PTPRD: variants seen among roughly 807,000 people sequenced by gnomAD.
PTPRD encodes protein tyrosine phosphatase receptor type D.
In PTPRD, 34 loss-of-function variants were observed where a neutral mutation model predicts 214.5. The ratio of observed to expected loss-of-function variants is 0.16; its 90% CI spans 0.12 to 0.21. The LOEUF is 0.21. Among genes scored for constraint, PTPRD ranks in the 10% least tolerant of loss-of-function variants. The pLI is 1.00. For synonymous variants in PTPRD, 1,128 were observed against 845.7 expected, an observed-to-expected ratio of 1.33 and a Z score of -5.79; for missense variants, 2,545 against 2,398.7, an observed-to-expected ratio of 1.06 and a Z score of -1.27.
At chr9:9,988,266 T>C (rs2095792356) in intron 4 of PTPRD, among the ~76,000 whole-genome samples, 1 of 152,222 alleles carries the variant, frequency 6.6e-6, no homozygotes, top group African/African-American at 2.4e-5. Context: ...TTTCAAAACA[T>C]ATTTTATGAA....
At chr9:9,280,019 T>A (rs910190217) in intron 9 of PTPRD, among the ~76,000 whole-genome samples, 2 of 151,366 alleles carry the variant, frequency 1.3e-5, no homozygotes, top group South Asian at 4.1e-4. Flanking sequence ...TTGTTTCCAA[T>A]GTACCGCAAT....
chr9:9,836,502 T>C (rs1310477783), intron 5 of PTPRD, among the ~76,000 whole-genome samples: 1 of 152,098 alleles, frequency 6.6e-6, no homozygotes, highest in Non-Finnish European at 1.5e-5. Flanking sequence ...CACTGATAAA[T>C]GCCAAATTTG....
chr9:8,547,936 T>A (rs556075119), intron 14 of PTPRD, among the ~76,000 whole-genome samples: 1 of 152,182 alleles, frequency 6.6e-6, no homozygotes, highest in Non-Finnish European at 1.5e-5. Context: ...GTGTAAAACA[T>A]TGCTCAGCAC....
chr9:9,246,460 A>C lies in PTPRD; in HGVS notation c.-202-63097T>G, dbSNP rs533676291. 2.6e-5 allele frequency among the ~76,000 whole-genome samples: 4 copies of C among 152,200 alleles called. No individual in the cohort carries two copies. The East Asian group carries it at 7.8e-4, about 30-fold the overall frequency. On this transcript the variant is annotated intron_variant, in intron 9 of 45. Transcript: ENST00000381196. ...GAAAAGTTCACCTGATGCAAACTGC[A>C]AACTAGAAAAATCTGTCAGTTTGCT...
At chr9:8,625,766 G>T (rs1010642669) in intron 14 of PTPRD, among the ~76,000 whole-genome samples, 1 of 151,350 alleles carries the variant, frequency 6.6e-6, no homozygotes, top group African/African-American at 2.4e-5. Flanking sequence ...AAAAAGAAAG[G>T]CATGGAAAGT....
At chr9:8,462,986 CA>C (rs1161246962) in intron 32 of PTPRD, among the ~76,000 whole-genome samples, 1 of 151,728 alleles carries the variant, frequency 6.6e-6, no homozygotes, top group East Asian at 1.9e-4. Context: ...CTGAATAAGA[CA>C]AAAAATGTTC....
At chr9:8,746,774 A>T (rs6477341) in intron 11 of PTPRD, among the ~76,000 whole-genome samples, 10,793 of 152,232 alleles carry the variant, frequency 0.071, 1,024 homozygotes, top group African/African-American at 0.22. Flanking sequence ...CAGGAGGATC[A>T]CTTGAGGTCA....
intron 2 of PTPRD, among the ~76,000 whole-genome samples, chr9:10,433,538 A>T (rs1195408968): frequency 6.6e-6 from 1 of 151,964 alleles, no homozygotes. Flanking sequence ...CCTAGGAAGA[A>T]ATATGCTCTT....
intron 2 of PTPRD, among the ~76,000 whole-genome samples, chr9:10,391,818 T>A (rs948055555): frequency 6.6e-6 from 1 of 151,866 alleles, no homozygotes; most frequent in African/African-American, 2.4e-5. Context: ...AGATCCTTAC[T>A]GTGAACTTAC....
intron 12 of PTPRD, among the ~76,000 whole-genome samples, chr9:8,691,581 T>C (rs2097801825): frequency 6.6e-6 from 1 of 152,140 alleles, no homozygotes; most frequent in East Asian, 1.9e-4. Context: ...TACATAAGAA[T>C]TCTATTGGAT....
chr9:9,901,602 T>TA (rs1430046844), intron 5 of PTPRD, among the ~76,000 whole-genome samples: 1 of 152,078 alleles, frequency 6.6e-6, no homozygotes, highest in Admixed American at 6.6e-5. Flanking sequence ...AAATTCTTAA[T>TA]AAAAAAGACC....
chr9:9,407,235 A>G (rs1025095264), intron 8 of PTPRD, among the ~76,000 whole-genome samples: 3 of 151,754 alleles, frequency 2.0e-5, no homozygotes, highest in African/African-American at 7.2e-5. Context: ...ATTTCTGAGC[A>G]TCGACCATGA....
At chr9:8,405,667 C>T (rs1400026962) in intron 35 of PTPRD, among the ~76,000 whole-genome samples, 1 of 151,994 alleles carries the variant, frequency 6.6e-6, no homozygotes, top group Non-Finnish European at 1.5e-5. Flanking sequence ...AACACAAGTT[C>T]ATTAATGACA....
intron 10 of PTPRD, among the ~76,000 whole-genome samples, chr9:9,081,590 T>C (rs2099759108): frequency 6.6e-6 from 1 of 152,050 alleles, no homozygotes; most frequent in African/African-American, 2.4e-5. Flanking sequence ...ATACTGACAG[T>C]GGGGTGTTAA....
At chr9:10,285,738 G>C (rs1018821282) in intron 3 of PTPRD, among the ~76,000 whole-genome samples, 1 of 151,292 alleles carries the variant, frequency 6.6e-6, no homozygotes, top group Admixed American at 6.6e-5. Flanking sequence ...AGCCTCCCGA[G>C]TAGCTGGGAT....
intron 8 of PTPRD, among the ~76,000 whole-genome samples, chr9:9,545,413 T>G (rs1021786974): frequency 2.0e-5 from 3 of 151,910 alleles, no homozygotes; most frequent in African/African-American, 7.2e-5. Context: ...TGTAGCCTTT[T>G]CAGATTGGCT....
intron 2 of PTPRD, among the ~76,000 whole-genome samples, chr9:10,555,197 A>C (rs118158137): frequency 0.029 from 4,465 of 152,276 alleles, 115 homozygotes; most frequent in East Asian, 0.1. Context: ...ACCTGATTCC[A>C]AATCCTATAT....
intron 11 of PTPRD, among the ~76,000 whole-genome samples, chr9:8,736,710 T>A (rs1002691798): frequency 6.6e-6 from 1 of 152,154 alleles, no homozygotes; most frequent in Non-Finnish European, 1.5e-5. Context: ...TCCTTTTTTT[T>A]TTTTTAAACA....
intron 8 of PTPRD, among the ~76,000 whole-genome samples, chr9:9,415,516 CCTCT>C (rs1259682216): frequency 1.1e-4 from 16 of 151,890 alleles, no homozygotes; most frequent in South Asian, 2.1e-4. Flanking sequence ...TTTAAAAAAC[CCTCT>C]CTAATGAGAT....
Sources: allele counts gnomAD v4.1 joint callset (sites outside exome capture counted in the v4.1 genomes callset), GRCh38; gene constraint gnomAD v4.1.1; transcripts MANE v1.5; gene names NCBI Gene and HGNC (gene_info 2026-07-23, HGNC 2026-07-21).